ABR: variants seen among roughly 807,000 people sequenced by gnomAD.
ABR encodes ABR activator of RhoGEF and GTPase, also known as active breakpoint cluster region-related protein.
In ABR, 35 loss-of-function variants were observed where a neutral mutation model predicts 107.2. The ratio of observed to expected loss-of-function variants is 0.33; its 90% CI spans 0.25 to 0.43. The LOEUF (loss-of-function observed/expected upper bound fraction) is 0.43, where lower values mean the gene tolerates loss of function less well. Among genes scored for constraint, ABR ranks in the 20% least tolerant of loss-of-function variants. The pLI, the probability that ABR is intolerant of heterozygous loss-of-function variation, is 1.00. For synonymous variants in ABR, 498 were observed against 462.0 expected (o/e 1.08, Z -1.00); for missense variants, 815 against 1,115.2 (o/e 0.73, Z 3.83).
At chr17:1,114,394 C>T (rs899373024) in intron 2 of ABR, among the ~76,000 whole-genome samples, 7 of 149,296 alleles carry the variant, frequency 4.7e-5, no homozygotes, top group Non-Finnish European at 7.4e-5. Context: ...TCCTTGAATC[C>T]GGGAGGCAGT....
chr17:1,175,454 G>A (rs1567860732), intron 1 of ABR, among the ~76,000 whole-genome samples: 3 of 152,136 alleles, frequency 2.0e-5, no homozygotes, highest in Non-Finnish European at 2.9e-5. Flanking sequence ...GCAACCCCAG[G>A]GAGAGAAAGG....
intron 1 of ABR, among the ~76,000 whole-genome samples, chr17:1,147,808 AC>A (rs1438648547): frequency 1.3e-5 from 2 of 151,880 alleles, no homozygotes; most frequent in Non-Finnish European, 2.9e-5. Context: ...CTTTCTCCTA[AC>A]CCCACCCACG....
chr17:1,136,894 T>C (rs1016955769), intron 1 of ABR, among the ~76,000 whole-genome samples: 2 of 152,170 alleles, frequency 1.3e-5, no homozygotes, highest in Admixed American at 1.3e-4. Context: ...CACTTTGAAT[T>C]TCCTTAAAAC....
rs559043712 is a variant in ABR at position 1,012,853 on chromosome 17, G to A, written c.1852-56C>T. 303 of 1,434,446 alleles carry A rather than the reference G, an allele frequency of 2.1e-4. No homozygotes were observed. The South Asian group carries it at 2.7e-3, about 13-fold the overall frequency. The allele number at this position is 1,434,446 out of a possible 1,614,324, so 88.9% of individuals were successfully genotyped here. ...CCCAGGGTGTGAGTGCCCGAGGAAT[G>A]CCCCCAAAACACAGGGGTCCCCTCC... On this transcript the variant is annotated intron_variant, in intron 17 of 22. Transcript: ENST00000302538.
At position 1,070,812 on chromosome 17, in the gene ABR, C is replaced by T. The variant is rs1037942971; in HGVS notation, c.895-722G>A. Reference sequence around the variant, plus strand: ...CTGTGCCAGCCTTTCCTGTATGATACACGGTGTGACCTACATCTGCTGTAA... The same window carrying T: ...CTGTGCCAGCCTTTCCTGTATGATATACGGTGTGACCTACATCTGCTGTAA... On this transcript the variant is annotated intron_variant, in intron 8 of 22. Coordinates refer to ENST00000302538, the MANE Select transcript of ABR (RefSeq NM_021962.5). The surrounding 1 kb of genome is among the most constrained non-coding windows in gnomAD (Gnocchi z 4.2). Among the ~76,000 whole-genome samples the T allele has an allele frequency of 6.6e-6, 1 of 152,236 alleles. No homozygotes were observed. Among genetic ancestry groups the T allele is most frequent in the Non-Finnish European group, 1.5e-5 (1 of 68,044 alleles).
chr17:1,176,125 G>A (rs2041911615), intron 1 of ABR, among the ~76,000 whole-genome samples: 1 of 151,994 alleles, frequency 6.6e-6, no homozygotes, highest in South Asian at 2.1e-4. Flanking sequence ...TGTGAGGGGA[G>A]GGGCTGGCTG....
intron 1 of ABR, among the ~76,000 whole-genome samples, chr17:1,177,329 A>T (rs1489900375): frequency 6.6e-6 from 1 of 152,116 alleles, no homozygotes; most frequent in Non-Finnish European, 1.5e-5. Context: ...CCGAAGAGGG[A>T]GGCAGGGACT....
intron 2 of ABR, among the ~76,000 whole-genome samples, chr17:1,103,435 C>G (rs2038039474): frequency 6.6e-6 from 1 of 152,168 alleles, no homozygotes; most frequent in African/African-American, 2.4e-5. Context: ...CCCTCCTGTT[C>G]CCTGCCAACC....
intron 1 of ABR, among the ~76,000 whole-genome samples, chr17:1,143,300 G>A (rs368075068): frequency 0.013 from 235 of 17,588 alleles, no homozygotes; most frequent in African/African-American, 0.035. Flanking sequence ...CTCCTGGGGG[G>A]CAGCTCGCTC....
chr17:1,137,687 C>G (rs1436394226), intron 1 of ABR, among the ~76,000 whole-genome samples: 2 of 152,148 alleles, frequency 1.3e-5, no homozygotes, highest in Admixed American at 6.5e-5. Flanking sequence ...TGCGAGGTGG[C>G]CACACACTTC....
At chr17:1,215,135 A>C (rs1416007162) in intron 1 of ABR, among the ~76,000 whole-genome samples, 2 of 151,222 alleles carry the variant, frequency 1.3e-5, no homozygotes, top group African/African-American at 4.9e-5. Context: ...CAGGAGAATC[A>C]CTTGAACCCA....
intron 2 of ABR, among the ~76,000 whole-genome samples, chr17:1,112,674 C>G (rs1342543618): frequency 1.4e-5 from 2 of 138,020 alleles, no homozygotes; most frequent in African/African-American, 2.8e-5. Flanking sequence ...TGCTAGAGGA[C>G]AGAAGATGAA....
At chr17:1,036,014 G>T (rs2073157887) in intron 16 of ABR, among the ~76,000 whole-genome samples, 3 of 152,034 alleles carry the variant, frequency 2.0e-5, no homozygotes, top group Admixed American at 2.0e-4. Context: ...ACAGCTGGGG[G>T]TGGGGACGGC....
upstream of ABR, among the ~76,000 whole-genome samples, chr17:1,191,944 G>A (rs1228405484): frequency 6.6e-6 from 1 of 152,080 alleles, no homozygotes; most frequent in Non-Finnish European, 1.5e-5. Flanking sequence ...GAATCCAGCT[G>A]CTGGTTCTGC....
At chr17:1,134,546 T>C (rs1185842801) in intron 1 of ABR, among the ~76,000 whole-genome samples, 2 of 152,184 alleles carry the variant, frequency 1.3e-5, no homozygotes, top group South Asian at 2.1e-4. Flanking sequence ...CAAGTCCCTA[T>C]ATATTGGGTT....
At chr17:1,029,813 C>T (rs1356977322) in intron 16 of ABR, among the ~76,000 whole-genome samples, 1 of 93,776 alleles carries the variant, frequency 1.1e-5, no homozygotes, top group East Asian at 6.3e-4. Context: ...ACAGCGCTGA[C>T]CCGTGTCCAC....
rs1182713631 is a variant in ABR at position 1,125,330 on chromosome 17, C to T, written c.99G>A (p.Gly33=). Residue 33 remains glycine (G), a synonymous_variant, in exon 2 of 23, where the codon GGG becomes GGA. Coordinates refer to ENST00000302538, the MANE Select transcript of ABR (RefSeq NM_021962.5). ...CCGGGGGCCCCTTCTGCTCCTCATT[C>T]CCCTCTCCGTCGTACTCGTCCGTCC... ...SYGTDEYDGE[G]NEEQKGPPEG... 3 of 1,613,818 alleles carry T rather than the reference C, an allele frequency of 1.9e-6. No individual in the cohort carries two copies. Among genetic ancestry groups the T allele is most frequent in the African/African-American group, 2.7e-5 (2 of 74,926 alleles).
chr17:1,090,725 A>G (rs533145730), intron 4 of ABR, among the ~76,000 whole-genome samples: 2 of 152,322 alleles, frequency 1.3e-5, no homozygotes, highest in African/African-American at 4.8e-5. Flanking sequence ...TTCAGCCAGA[A>G]CACGGCAGGG....
intron 2 of ABR, among the ~76,000 whole-genome samples, chr17:1,114,912 G>A (rs957389926): frequency 6.6e-6 from 1 of 152,226 alleles, no homozygotes; most frequent in Non-Finnish European, 1.5e-5. Flanking sequence ...CACCTACTGT[G>A]TGCCAGGCAC....
Sources: gnomAD v4.1 joint callset for allele counts (sites outside exome capture counted in the v4.1 genomes callset) on GRCh38, gnomAD v4.1.1 for gene constraint, Gnocchi (gnomAD v3.1) non-coding constraint, MANE v1.5 for transcripts, NCBI Gene and HGNC (gene_info 2026-07-23, HGNC 2026-07-21) for gene names.